EYA3: variants seen among roughly 807,000 people sequenced by gnomAD.
EYA3 encodes protein phosphatase EYA3.
Under a neutral mutation model 80.0 loss-of-function variants are expected in EYA3, and 39 were observed. That is an observed-to-expected ratio of 0.49 (90% CI 0.38 to 0.64). The LOEUF (loss-of-function observed/expected upper bound fraction) is 0.64, where lower values mean the gene tolerates loss of function less well. Among genes scored for constraint, EYA3 ranks in the 30% least tolerant of loss-of-function variants. The probability of loss-of-function intolerance (pLI) is 0.00; values close to 1 mark genes in which losing one functional copy is unlikely to be tolerated. For synonymous variants in EYA3, 206 were observed against 232.8 expected, an observed-to-expected ratio of 0.88 and a Z score of 1.05; for missense variants, 523 against 676.1, an observed-to-expected ratio of 0.77 and a Z score of 2.51.
intron 7 of EYA3, among the ~76,000 whole-genome samples, chr1:28,021,619 T>C (rs895045613): frequency 6.6e-6 from 1 of 151,070 alleles, no homozygotes; most frequent in Non-Finnish European, 1.5e-5. Context: ...CTTTTTTTTT[T>C]TTTAGATGCA....
At chr1:27,977,426 CTTCTACAGATCCA>C in intron 17 of EYA3, 1 of 1,539,020 alleles carries the variant, frequency 6.5e-7, no homozygotes, top group Non-Finnish European at 8.8e-7. Flanking sequence ...AGGGAAAGAA[CTTCTACAGATCCA>C]TTTAGCAGAT....
At chr1:28,069,015 C>G (rs1448070898) in intron 1 of EYA3, among the ~76,000 whole-genome samples, 1 of 152,218 alleles carries the variant, frequency 6.6e-6, no homozygotes, top group East Asian at 1.9e-4. Context: ...CCATGTTGGC[C>G]AGGCTGGTCT....
At chr1:28,038,587 A>G (rs1643597131) in intron 5 of EYA3, among the ~76,000 whole-genome samples, 1 of 152,014 alleles carries the variant, frequency 6.6e-6, no homozygotes, top group Non-Finnish European at 1.5e-5. Context: ...CACTAACACT[A>G]TTTTGCATGT....
At chr1:28,054,298 G>A (rs1457849473) in intron 2 of EYA3, among the ~76,000 whole-genome samples, 1 of 152,128 alleles carries the variant, frequency 6.6e-6, no homozygotes, top group African/African-American at 2.4e-5. Flanking sequence ...AAATATTTAT[G>A]GCAGAGACAA....
intron 2 of EYA3, among the ~76,000 whole-genome samples, chr1:28,051,601 C>T (rs1366390612): frequency 1.3e-5 from 2 of 152,060 alleles, no homozygotes; most frequent in Non-Finnish European, 2.9e-5. Context: ...GCAGGAGAAT[C>T]GTCTGAACCT....
At chr1:28,061,779 T>G (rs546681087) in intron 1 of EYA3, among the ~76,000 whole-genome samples, 2 of 152,196 alleles carry the variant, frequency 1.3e-5, no homozygotes, top group East Asian at 3.9e-4. Context: ...TTTTGTATTT[T>G]TAGTAGAGAC....
chr1:27,974,409 T>A lies in EYA3; in HGVS notation c.*57A>T, dbSNP rs1362680440. On this transcript the variant is annotated 3_prime_UTR_variant, in exon 18 of 18. Transcript: ENST00000373871. ...AGAAAGTTCTCAGTTGGTTCCAGTC[T>A]CCAGCTCCCTTCAGGAGTGAAAAGG... The A allele has an allele frequency of 2.2e-6, 3 of 1,395,206 alleles. No individual in the cohort carries two copies. The highest frequency in any genetic ancestry group is 3.0e-6 in the Non-Finnish European group (3 of 992,968). 86.4% of individuals were successfully genotyped at this position (1,395,206 alleles called of 1,614,324 possible).
chr1:28,015,367 G>A (rs1641978800), intron 8 of EYA3, among the ~76,000 whole-genome samples: 1 of 152,154 alleles, frequency 6.6e-6, no homozygotes, highest in Non-Finnish European at 1.5e-5. Flanking sequence ...ATAGTATATA[G>A]CCTGTGGGCT....
At chr1:27,998,895 A>G (rs914847856) in intron 12 of EYA3, among the ~76,000 whole-genome samples, 10 of 152,082 alleles carry the variant, frequency 6.6e-5, no homozygotes, top group African/African-American at 2.2e-4. Flanking sequence ...CAGCCTCCTG[A>G]GTAGCTGGGA....
chr1:28,003,083 T>C (rs1390160782), intron 11 of EYA3, among the ~76,000 whole-genome samples: 1 of 144,940 alleles, frequency 6.9e-6, no homozygotes, highest in Admixed American at 7.0e-5. Flanking sequence ...GGTGAAACCC[T>C]GTCTCTACTA....
intron 1 of EYA3, among the ~76,000 whole-genome samples, chr1:28,087,470 G>A (rs1645698136): frequency 6.6e-6 from 1 of 152,110 alleles, no homozygotes; most frequent in African/African-American, 2.4e-5. Context: ...CAGTAAAAAT[G>A]AAAAAATGCA....
At chr1:28,010,285 T>G (rs972580417) in intron 10 of EYA3, among the ~76,000 whole-genome samples, 1 of 152,232 alleles carries the variant, frequency 6.6e-6, no homozygotes, top group Non-Finnish European at 1.5e-5. Flanking sequence ...TAAACTCATA[T>G]AGTACTTACA....
At chr1:28,030,248 G>C (rs1205473689) in intron 6 of EYA3, among the ~76,000 whole-genome samples, 1 of 152,186 alleles carries the variant, frequency 6.6e-6, no homozygotes, top group Non-Finnish European at 1.5e-5. Context: ...GAATAGTAAA[G>C]AGAAATATGA....
At chr1:28,078,651 T>A (rs962926296) in intron 1 of EYA3, among the ~76,000 whole-genome samples, 7 of 152,216 alleles carry the variant, frequency 4.6e-5, no homozygotes, top group Non-Finnish European at 8.8e-5. Context: ...GTTTAGCAAT[T>A]TTTATGCCTC....
chr1:28,031,684 A>C (rs1643146407), intron 6 of EYA3, among the ~76,000 whole-genome samples: 1 of 152,238 alleles, frequency 6.6e-6, no homozygotes, highest in Non-Finnish European at 1.5e-5. Context: ...AATGCTAGAA[A>C]AAGCACATGA....
At chr1:28,004,094 CT>C (rs1254016220) in intron 11 of EYA3, among the ~76,000 whole-genome samples, 7 of 152,208 alleles carry the variant, frequency 4.6e-5, no homozygotes, top group Non-Finnish European at 7.3e-5. Context: ...TGCCATTCTC[CT>C]ACAACTTCAG....
chr1:28,030,418 G>A (rs1343186733), intron 6 of EYA3, among the ~76,000 whole-genome samples: 1 of 151,976 alleles, frequency 6.6e-6, no homozygotes, highest in Non-Finnish European at 1.5e-5. Flanking sequence ...TCAAACCCCC[G>A]AATAGCTGGG....
intron 1 of EYA3, among the ~76,000 whole-genome samples, chr1:28,069,648 G>A (rs1644955190): frequency 6.7e-6 from 1 of 149,532 alleles, no homozygotes; most frequent in South Asian, 2.2e-4. Flanking sequence ...GGGAAAGAGG[G>A]GGTAGAAGAG....
intron 6 of EYA3, among the ~76,000 whole-genome samples, chr1:28,029,346 C>T (rs1341076379): frequency 6.6e-6 from 1 of 152,114 alleles, no homozygotes; most frequent in Non-Finnish European, 1.5e-5. Flanking sequence ...TTGTTTAGTA[C>T]TAAATATAAC....
Sources: gnomAD v4.1 joint callset for allele counts (sites outside exome capture counted in the v4.1 genomes callset) on GRCh38, gnomAD v4.1.1 for gene constraint, MANE v1.5 for transcripts, NCBI Gene and HGNC (gene_info 2026-07-23, HGNC 2026-07-21) for gene names.